NRXN1: variants seen among roughly 807,000 people sequenced by gnomAD.
NRXN1 encodes the protein neurexin-1.
In NRXN1, 39 loss-of-function variants were observed where a neutral mutation model predicts 150.9. The observed-to-expected ratio is 0.26, with a 90% CI of 0.20 to 0.34. The LOEUF (loss-of-function observed/expected upper bound fraction) is 0.34, where lower values mean the gene tolerates loss of function less well. Among genes scored for constraint, NRXN1 ranks in the 10% least tolerant of loss-of-function variants. The pLI, the probability that NRXN1 is intolerant of heterozygous loss-of-function variation, is 1.00. For synonymous variants in NRXN1, 924 were observed against 757.0 expected (o/e 1.22, Z -3.62); for missense variants, 1,815 against 1,949.9 (o/e 0.93, Z 1.30).
At chr2:50,169,623 G>T (rs2059902930) in intron 18 of NRXN1, among the ~76,000 whole-genome samples, 1 of 149,186 alleles carries the variant, frequency 6.7e-6, no homozygotes, top group South Asian at 2.1e-4. Context: ...TGAGGAAGGA[G>T]AATTGCTTGA....
intron 21 of NRXN1, among the ~76,000 whole-genome samples, chr2:49,980,992 G>C (rs1679898047): frequency 6.6e-6 from 1 of 152,018 alleles, no homozygotes; most frequent in Non-Finnish European, 1.5e-5. Flanking sequence ...ACACTGTACA[G>C]AAATCTTGCA....
intron 17 of NRXN1, among the ~76,000 whole-genome samples, chr2:50,388,273 C>A (rs1353700704): frequency 6.6e-6 from 1 of 152,146 alleles, no homozygotes; most frequent in Non-Finnish European, 1.5e-5. Flanking sequence ...TGGCACAGGG[C>A]TGATATCAAC....
chr2:51,021,512 T>G lies in NRXN1; in HGVS notation c.772+5990A>C, dbSNP rs537820991. Among the ~76,000 whole-genome samples, 5 of 151,940 alleles carry G rather than the reference T, an allele frequency of 3.3e-5. No individual in the cohort carries two copies. The East Asian group carries it at 9.7e-4, about 29-fold the overall frequency. On this transcript the variant is annotated intron_variant, in intron 2 of 22. Transcript: ENST00000401669. ...TTTAGTAATCAATTTAATTCACATT[T>G]AATGATATCCAAAACTGAACATATC...
intron 18 of NRXN1, among the ~76,000 whole-genome samples, chr2:50,126,193 A>T (rs1437320225): frequency 6.6e-6 from 1 of 152,156 alleles, no homozygotes; most frequent in Non-Finnish European, 1.5e-5. Context: ...GATATTAGGC[A>T]TGCAGCGCAT....
At chr2:50,973,371 CA>C (rs1314179403) in intron 2 of NRXN1, among the ~76,000 whole-genome samples, 1 of 152,104 alleles carries the variant, frequency 6.6e-6, no homozygotes, top group Non-Finnish European at 1.5e-5. Context: ...GCCAATTGTT[CA>C]AGGGCTAATG....
intron 5 of NRXN1, among the ~76,000 whole-genome samples, chr2:50,656,745 A>G (rs1409947802): frequency 2.0e-5 from 3 of 151,248 alleles, no homozygotes; most frequent in African/African-American, 7.3e-5. Context: ...AGCAGCTTAC[A>G]AAGAAAAAAA....
chr2:50,955,831 G>A (rs891307984), intron 2 of NRXN1, among the ~76,000 whole-genome samples: 2 of 152,114 alleles, frequency 1.3e-5, no homozygotes, highest in African/African-American at 2.4e-5. Flanking sequence ...ATTACTGAGG[G>A]GGGAATGATT....
chr2:50,439,642 T>TA (rs903991585), intron 17 of NRXN1, among the ~76,000 whole-genome samples: 52 of 147,738 alleles, frequency 3.5e-4, no homozygotes, highest in African/African-American at 8.2e-4. Context: ...CCATCTCTAC[T>TA]AAAAAAAAAA....
chr2:50,164,010 G>A (rs2059528337), intron 18 of NRXN1, among the ~76,000 whole-genome samples: 1 of 152,024 alleles, frequency 6.6e-6, no homozygotes, highest in Non-Finnish European at 1.5e-5. Context: ...CCTTTGTTAG[G>A]CCATACTGAT....
intron 21 of NRXN1, among the ~76,000 whole-genome samples, chr2:50,042,929 A>G (rs2152593592): frequency 6.6e-6 from 1 of 152,238 alleles, no homozygotes; most frequent in East Asian, 1.9e-4. Context: ...AAGCTTTAGT[A>G]TTTTTCAAAT....
chr2:50,300,602 C>G (rs2152954105), intron 17 of NRXN1, among the ~76,000 whole-genome samples: 1 of 152,324 alleles, frequency 6.6e-6, no homozygotes, highest in South Asian at 2.1e-4. Context: ...GTGACTAACT[C>G]TGGCCAATAG....
At chr2:49,975,331 A>G (rs11899849) in intron 21 of NRXN1, among the ~76,000 whole-genome samples, 75,415 of 151,732 alleles carry the variant, frequency 0.5, 19,172 homozygotes, top group Middle Eastern at 0.64. Context: ...TACTATTCAT[A>G]CATTTGAAAG....
At chr2:50,238,629 G>A (rs539139237) in intron 17 of NRXN1, among the ~76,000 whole-genome samples, 1 of 152,094 alleles carries the variant, frequency 6.6e-6, no homozygotes, top group Middle Eastern at 3.4e-3. Context: ...AAGTTTACCA[G>A]TTAAATGGAG....
chr2:49,998,674 A>T (rs7559968), intron 21 of NRXN1, among the ~76,000 whole-genome samples: 72,015 of 151,636 alleles, frequency 0.47, 17,693 homozygotes, highest in Middle Eastern at 0.62. Flanking sequence ...TAACCTTTTT[A>T]AAAAAAATAA....
At chr2:50,788,172 C>T (rs1398830406) in intron 5 of NRXN1, among the ~76,000 whole-genome samples, 5 of 151,546 alleles carry the variant, frequency 3.3e-5, no homozygotes, top group African/African-American at 9.7e-5. Flanking sequence ...CTGTGAGCTC[C>T]GCCTCCTGGG....
intron 18 of NRXN1, among the ~76,000 whole-genome samples, chr2:50,131,503 G>A (rs1033490009): frequency 1.3e-5 from 2 of 152,148 alleles, no homozygotes; most frequent in African/African-American, 4.8e-5. Context: ...CTCTTCCAGA[G>A]GACATGGACC....
At chr2:50,829,743 G>T in intron 5 of NRXN1, 1 of 1,579,962 alleles carries the variant, frequency 6.3e-7, no homozygotes. Context: ...GCCCAAGGTT[G>T]CACGGCATGG....
At chr2:50,774,348 A>G (rs1012772565) in intron 5 of NRXN1, among the ~76,000 whole-genome samples, 2 of 152,158 alleles carry the variant, frequency 1.3e-5, no homozygotes, top group African/African-American at 4.8e-5. Flanking sequence ...CACATTACAG[A>G]TGAGTTGATT....
intron 19 of NRXN1, among the ~76,000 whole-genome samples, chr2:50,081,508 G>T (rs1400973555): frequency 1.3e-5 from 2 of 152,082 alleles, no homozygotes; most frequent in Non-Finnish European, 2.9e-5. Flanking sequence ...GCCAAATTCG[G>T]GCCACTGCAC....
Sources: gnomAD v4.1 joint callset for allele counts (sites outside exome capture counted in the v4.1 genomes callset) on GRCh38, gnomAD v4.1.1 for gene constraint, MANE v1.5 for transcripts, NCBI Gene and HGNC (gene_info 2026-07-23, HGNC 2026-07-21) for gene names.